The following CBX5 variants were observed in gnomAD, a reference collection of about 807,000 sequenced individuals.
CBX5 encodes the protein chromobox protein homolog 5.
Under a neutral mutation model 20.7 loss-of-function variants are expected in CBX5, and 7 were observed. The ratio of observed to expected loss-of-function variants is 0.34; its 90% CI spans 0.19 to 0.63. The LOEUF is 0.63. Ranked by LOEUF, CBX5 falls within the 30% of genes least tolerant of loss-of-function variation. The probability of loss-of-function intolerance (pLI) is 0.75; values close to 1 mark genes in which losing one functional copy is unlikely to be tolerated. For missense variants in CBX5, 110 were observed against 224.1 expected (o/e 0.49, Z 3.25); for synonymous variants, 78 against 77.0 (o/e 1.01, Z -0.07).
intron 3 of CBX5, among the ~76,000 whole-genome samples, chr12:54,247,987 C>T (rs913357597): frequency 3.3e-5 from 5 of 151,888 alleles, no homozygotes; most frequent in Admixed American, 2.0e-4. Context: ...ATTACAGGTG[C>T]GTGCCACCGC....
At chr12:54,262,256 A>G (rs1027147907) in intron 1 of CBX5, among the ~76,000 whole-genome samples, 5 of 152,240 alleles carry the variant, frequency 3.3e-5, no homozygotes, top group African/African-American at 9.6e-5. Flanking sequence ...GAAACCTTTC[A>G]GAGAAAGAAA....
intron 1 of CBX5, among the ~76,000 whole-genome samples, chr12:54,269,062 C>T (rs369161025): frequency 2.3e-4 from 35 of 152,222 alleles, no homozygotes; most frequent in African/African-American, 7.9e-4. Flanking sequence ...GGAGAGAGAC[C>T]ATCCCAGCTA....
chr12:54,245,705 C>T (rs562126846), intron 4 of CBX5, among the ~76,000 whole-genome samples: 154 of 152,262 alleles, frequency 1.0e-3, no homozygotes, highest in African/African-American at 3.3e-3. Context: ...GCAGGAGTAT[C>T]GCTTGAACCC....
At chr12:54,260,257 G>A (rs1441534604) in intron 1 of CBX5, among the ~76,000 whole-genome samples, 5 of 151,862 alleles carry the variant, frequency 3.3e-5, no homozygotes, top group African/African-American at 7.3e-5. Flanking sequence ...TTGGGAGGCC[G>A]GGACGGGGCA....
intron 3 of CBX5, among the ~76,000 whole-genome samples, chr12:54,249,864 G>A (rs1225114558): frequency 2.0e-5 from 3 of 151,934 alleles, no homozygotes; most frequent in African/African-American, 7.2e-5. Flanking sequence ...AATTAATTTT[G>A]TACGCCAAGT....
Position 54,239,357 on chromosome 12 carries a change from G to A in CBX5, c.*2398C>T, listed in dbSNP as rs1005734925. The A allele has an allele frequency of 2.6e-5, 4 of 152,124 alleles. No individual in the cohort carries two copies. The highest frequency in any genetic ancestry group is 4.4e-5 in the Non-Finnish European group (3 of 68,022). The allele number at this position is 152,124 out of a possible 1,614,324, so 9.4% of individuals were successfully genotyped here. On this transcript the variant is annotated 3_prime_UTR_variant, in exon 5 of 5. Coordinates refer to ENST00000209875, the MANE Select transcript of CBX5 (RefSeq NM_012117.3). ...TGTCATGTTCTTTGTCCACATACTA[G>A]GTTTTTGGTTTTAAAAATAAGGTCG...
intron 1 of CBX5, among the ~76,000 whole-genome samples, chr12:54,266,635 G>A (rs1268864352): frequency 6.6e-6 from 1 of 152,072 alleles, no homozygotes; most frequent in Non-Finnish European, 1.5e-5. Context: ...TTGGTTGTAT[G>A]TCCCCCAGGC....
At chr12:54,255,189 G>A (rs967278864) in intron 2 of CBX5, among the ~76,000 whole-genome samples, 6 of 152,132 alleles carry the variant, frequency 3.9e-5, no homozygotes, top group Non-Finnish European at 7.3e-5. Context: ...CACTTCAAGA[G>A]GCCAAGGCAG....
At position 54,233,397 on chromosome 12, in the gene CBX5, A is replaced by G. The variant is rs1943588443; in HGVS notation, c.*8358T>C. On this transcript the variant is annotated 3_prime_UTR_variant, in exon 5 of 5. Transcript: ENST00000209875. ...GTGAGGGGTGAGGGTGACACGAGACAAACACCAAACTCACCACCAGCCCTC... is the reference window on the plus strand; with the variant it reads ...GTGAGGGGTGAGGGTGACACGAGACGAACACCAAACTCACCACCAGCCCTC... 1 of 152,196 alleles carries G rather than the reference A, an allele frequency of 6.6e-6. No homozygotes were observed. The highest frequency in any genetic ancestry group is 2.4e-5 in the African/African-American group (1 of 41,454). 9.4% of individuals were successfully genotyped at this position (152,196 alleles called of 1,614,324 possible).
chr12:54,258,603 G>T (rs557301182), intron 1 of CBX5, among the ~76,000 whole-genome samples: 80 of 152,248 alleles, frequency 5.3e-4, no homozygotes, highest in African/African-American at 1.9e-3. Context: ...AAACACAAAT[G>T]GAAATTGAGT....
At chr12:54,258,047 T>G (rs1348389128) in intron 1 of CBX5, 1 of 160,304 alleles carries the variant, frequency 6.2e-6, no homozygotes, top group Non-Finnish European at 1.4e-5. Context: ...TTTAGTTAAA[T>G]GAACCAAGAT....
At chr12:54,251,742 C>A (rs986422942) in intron 3 of CBX5, among the ~76,000 whole-genome samples, 8 of 152,124 alleles carry the variant, frequency 5.3e-5, no homozygotes, top group African/African-American at 1.7e-4. Flanking sequence ...CACCAATGAT[C>A]CTCCTTCTCT....
At chr12:54,258,733 TAC>T (rs1329027354) in intron 1 of CBX5, among the ~76,000 whole-genome samples, 1 of 152,208 alleles carries the variant, frequency 6.6e-6, no homozygotes, top group Non-Finnish European at 1.5e-5. Context: ...AAATGGTGCC[TAC>T]AGTCTGGATT....
rs1355647371 is a variant in CBX5 at position 54,232,579 on chromosome 12, T to C, written c.*9176A>G. The C allele has an allele frequency of 6.6e-6, 1 of 152,124 alleles. No individual in the cohort carries two copies. The highest frequency in any genetic ancestry group is 2.4e-5 in the African/African-American group (1 of 41,402). 9.4% of individuals were successfully genotyped at this position (152,124 alleles called of 1,614,324 possible). ...CACAGAGTCAGCATCCACTCGATTC[T>C]TGTTCCATTTCCCAGAGCATTTTAC... On this transcript the variant is annotated 3_prime_UTR_variant, in exon 5 of 5. Transcript: ENST00000209875.
In CBX5 at chr12:54,246,203, T is replaced by C. The variant is rs1176139964; in HGVS notation, c.337A>G (p.Ile113Val). Reference sequence around the variant, plus strand: ...AGTCCTCTCTCAAAGCCCCGAGCGATATCATTGCTCTGCTATAAATAGAAG... The same window carrying C: ...AGTCCTCTCTCAAAGCCCCGAGCGACATCATTGCTCTGCTATAAATAGAAG... ...SKKKREQSNDIARGFERGLEP... is the reference protein window; with the variant it reads ...SKKKREQSNDVARGFERGLEP... The change falls in exon 4 of 5, where the codon ATC (isoleucine) becomes GTC (valine). Residue 113 changes from isoleucine (I) to valine (V), a missense_variant. Around this residue, in one of 3 missense-constraint regions of CBX5, gnomAD observed 21 missense variants for 18.6 expected, o/e 1.13. Coordinates refer to ENST00000209875, the MANE Select transcript of CBX5 (RefSeq NM_012117.3). The C allele has an allele frequency of 2.5e-6, 4 of 1,612,176 alleles. No homozygotes were observed. Among genetic ancestry groups the C allele is most frequent in the Non-Finnish European group, 3.4e-6 (4 of 1,178,296 alleles).
rs1007189794 is a variant in CBX5 at position 54,238,387 on chromosome 12, T to C, written c.*3368A>G. Reference sequence around the variant, plus strand: ...AGAAGAGTCTCCTGAAAAATATCCGTATTTGAAAAGGCAGCAGGAGTTGAT... The same window carrying C: ...AGAAGAGTCTCCTGAAAAATATCCGCATTTGAAAAGGCAGCAGGAGTTGAT... On this transcript the variant is annotated 3_prime_UTR_variant, in exon 5 of 5. Transcript: ENST00000209875. The C allele has an allele frequency of 6.6e-6, 1 of 152,016 alleles. No homozygotes were observed. Among genetic ancestry groups the C allele is most frequent in the African/African-American group, 2.4e-5 (1 of 41,396 alleles). The allele number at this position is 152,016 out of a possible 1,614,324, so 9.4% of individuals were successfully genotyped here.
At chr12:54,272,845 A>T (rs1216438148) in intron 1 of CBX5, 1 of 152,234 alleles carries the variant, frequency 6.6e-6, no homozygotes, top group African/African-American at 2.4e-5. Context: ...GTTAACGATC[A>T]CTTATCCAAC....
intron 1 of CBX5, among the ~76,000 whole-genome samples, chr12:54,266,123 A>C (rs1159124431): frequency 6.6e-6 from 1 of 150,952 alleles, no homozygotes; most frequent in Non-Finnish European, 1.5e-5. Flanking sequence ...TTTTAGATAA[A>C]AACGGCTGCG....
intron 1 of CBX5, 70 bp from the exon 2 acceptor site, chr12:54,257,762 G>T (rs1943876431): frequency 1.7e-6 from 2 of 1,145,464 alleles, no homozygotes; most frequent in South Asian, 1.4e-5. Flanking sequence ...TTCTTGATGG[G>T]ATGAAAAGGG....
Sources: gnomAD v4.1 joint callset for allele counts (sites outside exome capture counted in the v4.1 genomes callset) on GRCh38, gnomAD v4.1.1 for gene constraint, gnomAD v4.1.1 regional missense constraint, MANE v1.5 for transcripts, NCBI Gene and HGNC (gene_info 2026-07-23, HGNC 2026-07-21) for gene names.